Variants in CCDC17 observed in about 807,000 individuals in gnomAD.
CCDC17 encodes coiled-coil domain-containing protein 17.
In CCDC17, 79 loss-of-function variants were observed where a neutral mutation model predicts 68.0. The observed-to-expected ratio is 1.16, with a 90% CI of 0.97 to 1.40. The LOEUF is 1.40. Ranked by LOEUF, CCDC17 falls within the 40% of genes most tolerant of loss-of-function variation. The pLI is 0.00. For missense variants in CCDC17, 846 were observed against 811.5 expected, an observed-to-expected ratio of 1.04 and a Z score of -0.52; for synonymous variants, 376 against 337.5, an observed-to-expected ratio of 1.11 and a Z score of -1.25.
In CCDC17 at chr1:45,621,039, G is replaced by C. The variant is rs1644235193; in HGVS notation, c.1463C>G (p.Pro488Arg). The part of the protein sequence containing the change: ...VWQGLAWARA[P>R]QPKAWVSLGL... ...AAGTGAGACCCAAGCCTTTGGCTGT[G>C]GTGCCCTAGCCCATGCTAGCCCCTG... The change falls in exon 11 of 13, where the codon CCA (proline) becomes CGA (arginine). Residue 488 changes from proline (P) to arginine (R), a missense_variant. Coordinates refer to ENST00000528266, the MANE Select transcript of CCDC17 (RefSeq NM_001114938.3). The C allele has an allele frequency of 8.7e-6, 14 of 1,613,844 alleles. No individual in the cohort carries two copies. Among genetic ancestry groups the C allele is most frequent in the Admixed American group, 1.7e-5 (1 of 60,002 alleles).
chr1:45,622,542 T>A lies in CCDC17; in HGVS notation c.859+7A>T. The A allele has an allele frequency of 6.4e-7, 1 of 1,551,300 alleles. No homozygotes were observed. The highest frequency in any genetic ancestry group is 8.7e-7 in the Non-Finnish European group (1 of 1,146,930). ...GACCACCGCTGGCGAGAGGCCCTCC[T>A]GTTCACCTCTGCGGGTCTGCGACCG... On this transcript the variant is annotated splice_region_variant and intron_variant, in intron 6 of 12. Transcript: ENST00000528266.
At chr1:45,622,121 G>C in intron 7 of CCDC17, 120 bp downstream of exon 7, 12 of 1,267,126 alleles carry the variant, frequency 9.5e-6, no homozygotes, top group Non-Finnish European at 1.3e-5. Flanking sequence ...GGATACACAC[G>C]TGCAGACATG....
Position 45,621,741 on chromosome 1 carries a change from G to A in CCDC17, c.1087-6C>T, listed in dbSNP as rs1401063935. ...ATTGTTCCAGGAAGCTGTGGCTGTG[G>A]GGAAGAGAGCTGACTCCTCCAGAAA... On this transcript the variant is annotated splice_region_variant and splice_polypyrimidine_tract_variant and intron_variant, in intron 8 of 12. Coordinates refer to ENST00000528266, the MANE Select transcript of CCDC17 (RefSeq NM_001114938.3). 1.2e-6 allele frequency: 2 copies of A among 1,613,332 alleles called. No individual in the cohort carries two copies. Among genetic ancestry groups the A allele is most frequent in the Non-Finnish European group, 8.5e-7 (1 of 1,179,710 alleles).
chr1:45,622,493 G>C, intron 6 of CCDC17, 56 bp downstream of exon 6: 1 of 1,515,606 alleles, frequency 6.6e-7, no homozygotes, highest in South Asian at 1.2e-5. Flanking sequence ...GCCCTCCCTC[G>C]AGTTCTTTTC....
In CCDC17 at chr1:45,623,004, C is replaced by A; in HGVS notation, c.607G>T (p.Ala203Ser). 6.2e-7 allele frequency: 1 copy of A among 1,612,176 alleles called. No homozygotes were observed. The highest frequency in any genetic ancestry group is 1.1e-5 in the South Asian group (1 of 90,770). Residue 203 changes from alanine to serine, a missense_variant, in exon 4 of 13, where the codon GCT becomes TCT. Coordinates refer to ENST00000528266, the MANE Select transcript of CCDC17 (RefSeq NM_001114938.3). ...LQAEAGRTRG[A>S]LEVLGARIQE... ...ATGCGGGCCCCCAACACCTCTAGAG[C>A]TCCCCGCGTCCTCCCGGCCTCAGCT...
At position 45,623,301 on chromosome 1, in the gene CCDC17, G is replaced by C; in HGVS notation, c.409C>G (p.Arg137Gly). Reference protein sequence around the residue: ...MSEAVGSPSERLRALFRTRAR... With the variant: ...MSEAVGSPSEGLRALFRTRAR... The stretch of plus-strand genomic sequence containing the variant: ...CGAGTCCTGAACAGCGCCCGCAGCC[G>C]CTCGCTGGGGCTTCCCACCGCCTCG... The change falls in exon 3 of 13, where the codon CGG (arginine) becomes GGG (glycine). Residue 137 changes from arginine (R) to glycine (G), a missense_variant. Transcript: ENST00000528266. 6.5e-7 allele frequency: 1 copy of C among 1,549,302 alleles called. No individual in the cohort carries two copies.
At position 45,620,160 on chromosome 1, in the gene CCDC17, A is replaced by C. The variant is rs1246500364; in HGVS notation, c.*115T>G. On this transcript the variant is annotated 3_prime_UTR_variant, in exon 13 of 13. Coordinates refer to ENST00000528266, the MANE Select transcript of CCDC17 (RefSeq NM_001114938.3). ...TGGTTGGAACTGGTTTTCTGTACTC[A>C]ACTGCTAGATGCTTCTAGACCCAAT... 8.1e-7 allele frequency: 1 copy of C among 1,227,384 alleles called. No individual in the cohort carries two copies. The highest frequency in any genetic ancestry group is 1.6e-5 in the African/African-American group (1 of 63,886). The allele number at this position is 1,227,384 out of a possible 1,614,324, so 76.0% of individuals were successfully genotyped here.
chr1:45,620,123 G>T lies in CCDC17; in HGVS notation c.*152C>A. ...AGAAAAGTTAAGGACTTAACGGGAGGTGGTAAAGCTGTGGTTGGAACTGGT... is the reference window on the plus strand; with the variant it reads ...AGAAAAGTTAAGGACTTAACGGGAGTTGGTAAAGCTGTGGTTGGAACTGGT... On this transcript the variant is annotated 3_prime_UTR_variant, in exon 13 of 13. Coordinates refer to ENST00000528266, the MANE Select transcript of CCDC17 (RefSeq NM_001114938.3). 2 of 710,004 alleles carry T rather than the reference G, an allele frequency of 2.8e-6. No homozygotes were observed. Among genetic ancestry groups the T allele is most frequent in the Non-Finnish European group, 4.4e-6 (2 of 453,916 alleles). The allele number at this position is 710,004 out of a possible 1,614,324, so 44.0% of individuals were successfully genotyped here.
chr1:45,621,780 T>C (rs901585011), intron 8 of CCDC17, 45 bp from the exon 9 acceptor site: 5 of 1,607,594 alleles, frequency 3.1e-6, no homozygotes, highest in Non-Finnish European at 3.4e-6. Context: ...TTGTAGCTGC[T>C]CATGTTCCCC....
Position 45,621,337 on chromosome 1 carries a change from A to T in CCDC17, c.1332T>A (p.Pro444=). ...LPPALCLPPP[P]APGPMGNCAI... ...CACAGTTGCCCATGGGCCCGGGAGC[A>T]GGAGGTGGGGGCAGGCAAAGGGCTG... The change falls in exon 10 of 13, where the codon CCT becomes CCA. Residue 444 remains proline, a synonymous_variant. Coordinates refer to ENST00000528266, the MANE Select transcript of CCDC17 (RefSeq NM_001114938.3). The T allele has an allele frequency of 6.3e-7, 1 of 1,590,444 alleles. No homozygotes were observed. The highest frequency in any genetic ancestry group is 8.6e-7 in the Non-Finnish European group (1 of 1,168,424).
Position 45,623,943 on chromosome 1 carries a change from C to G in CCDC17, c.-34G>C. 1 of 1,417,866 alleles carries G rather than the reference C, an allele frequency of 7.1e-7. No individual in the cohort carries two copies. The highest frequency in any genetic ancestry group is 9.4e-7 in the Non-Finnish European group (1 of 1,061,858). The allele number at this position is 1,417,866 out of a possible 1,614,324, so 87.8% of individuals were successfully genotyped here. On this transcript the variant is annotated 5_prime_UTR_variant, in exon 1 of 13. Coordinates refer to ENST00000528266, the MANE Select transcript of CCDC17 (RefSeq NM_001114938.3). Reference sequence around the variant, plus strand: ...ACCCGTTTCCTGAAACCAGCCAAGACCTGCAGAAGGGATCAAGGGCAGGGG... The same window carrying G: ...ACCCGTTTCCTGAAACCAGCCAAGAGCTGCAGAAGGGATCAAGGGCAGGGG...
chr1:45,620,806 G>C lies in CCDC17; in HGVS notation c.1627C>G (p.Leu543Val). The change falls in exon 12 of 13, where the codon CTG becomes GTG. Residue 543 changes from leucine (L) to valine (V), a missense_variant. By Grantham distance (32) the Leu-to-Val change is conservative. Coordinates refer to ENST00000528266, the MANE Select transcript of CCDC17 (RefSeq NM_001114938.3). ...QAGQAELFLR[L>V]VNARDAAVQT... ...ACAGCTGCATCTCTTGCATTCACCAGCCGCAGAAAGAGCTCAGCCTGACCT... is the reference window on the plus strand; with the variant it reads ...ACAGCTGCATCTCTTGCATTCACCACCCGCAGAAAGAGCTCAGCCTGACCT... 3 of 1,611,442 alleles carry C rather than the reference G, an allele frequency of 1.9e-6. No individual in the cohort carries two copies. Among genetic ancestry groups the C allele is most frequent in the Non-Finnish European group, 2.5e-6 (3 of 1,178,808 alleles).
chr1:45,621,482 G>A lies in CCDC17; in HGVS notation c.1187C>T (p.Ala396Val). ...GAAATCATAGAAAATGACCAGGCCA[G>A]CCCTGGGGAACACAAGTCTTAGCAC... ...MLGPAPYDPG[A>V]GLVIFYDFLR... is the part of the protein sequence containing the mutation. Residue 396 changes from alanine (A) to valine (V), a missense_variant and splice_region_variant, in exon 10 of 13, where the codon GCT becomes GTT. Physicochemically the swap from Ala to Val is moderately conservative, Grantham distance 64. Coordinates refer to ENST00000528266, the MANE Select transcript of CCDC17 (RefSeq NM_001114938.3). 1 of 1,583,384 alleles carries A rather than the reference G, an allele frequency of 6.3e-7. No homozygotes were observed. The highest frequency in any genetic ancestry group is 1.2e-5 in the South Asian group (1 of 86,656).
rs565915948 is a variant in CCDC17, at chr1:45,623,743, C to T, written c.167G>A (p.Arg56Gln). 1.1e-4 allele frequency: 170 copies of T among 1,550,884 alleles called. No homozygotes were observed. The African/African-American group carries it at 2.1e-3, about 19-fold the overall frequency. Residue 56 changes from arginine (R) to glutamine (Q), a missense_variant, in exon 1 of 13, where the codon CGG (arginine) becomes CAG (glutamine). Coordinates refer to ENST00000528266, the MANE Select transcript of CCDC17 (RefSeq NM_001114938.3). ...GGCCATGGAGGCCCTTACCGCGGCC[C>T]GCTGGGGTTCAGTGGCAACTGATGC... ...AQASVATEPQ[R>Q]AAVVPQEHQG...
Position 45,620,608 on chromosome 1 carries a change from CAAGA to C in CCDC17, c.1710+111_1710+114del, listed in dbSNP as rs561345310. 2.0e-4 allele frequency: 309 copies of C among 1,512,604 alleles called. No homozygotes were observed. In the African/African-American group the frequency reaches 3.7e-3, roughly 18 times the overall value. The allele number at this position is 1,512,604 out of a possible 1,614,324, so 93.7% of individuals were successfully genotyped here. ...ACTTCATAGAGATGTGAGGATCAAA[CAAGA>C]AAGCATTGGTAATGACTGGCACACA... On this transcript the variant is annotated intron_variant, in intron 12 of 12. Transcript: ENST00000528266.
chr1:45,621,217 A>C (rs914608420), intron 10 of CCDC17, 64 bp downstream of exon 10: 3 of 1,543,146 alleles, frequency 1.9e-6, no homozygotes, highest in African/African-American at 2.7e-5. Flanking sequence ...GAGAAAACTT[A>C]GCAGAATGGT....
Position 45,621,880 on chromosome 1 carries a change from C to T in CCDC17, c.1083G>A (p.Ser361=), listed in dbSNP as rs554554544. The change falls in exon 8 of 13, where the codon TCG becomes TCA. Residue 361 remains serine (S), a synonymous_variant. Transcript: ENST00000528266. ...APPLPPLPGF[S]EPQLPGTMTR... ...TTGCCCCACCCAAGAACTGAACCTC[C>T]GAGAAGCCTGGAAGTGGTGGCAGCG... The T allele has an allele frequency of 8.1e-6, 13 of 1,600,604 alleles. No homozygotes were observed. The highest frequency in any genetic ancestry group is 8.1e-5 in the African/African-American group (6 of 74,474).
rs1644260246 is a variant in CCDC17 at position 45,621,636 on chromosome 1, AC to A, written c.1184+1del. 6.2e-7 allele frequency: 1 copy of A among 1,613,296 alleles called. No homozygotes were observed. ...GGCTGTCGAAGGTGGCACGGGCCTC[AC>A]CCAGGATCATAGGGTGCAGGGCCCA... On this transcript the variant is annotated splice_donor_variant, in intron 9 of 12. Coordinates refer to ENST00000528266, the MANE Select transcript of CCDC17 (RefSeq NM_001114938.3). LOFTEE classifies it high-confidence loss of function.
Position 45,623,607 on chromosome 1 carries a change from G to T in CCDC17, c.220C>A (p.Leu74Ile), listed in dbSNP as rs919651958. The T allele has an allele frequency of 6.4e-7, 1 of 1,551,276 alleles. No individual in the cohort carries two copies. The highest frequency in any genetic ancestry group is 8.7e-7 in the Non-Finnish European group (1 of 1,147,002). Residue 74 changes from leucine to isoleucine, a missense_variant, in exon 2 of 13, where the codon CTC (leucine) becomes ATC (isoleucine). Transcript: ENST00000528266. ...GATCTACTGGCCTGCTGGTCTGGGA[G>T]GCCCTGGGGTTCTTGTGGCACGCCC... ...HQGVPQEPQG[L>I]PDQQASRSAL...
Sources: gnomAD v4.1 joint callset for allele counts on GRCh38, gnomAD v4.1.1 for gene constraint, MANE v1.5 for transcripts, NCBI Gene and HGNC (gene_info 2026-07-23, HGNC 2026-07-21) for gene names.